Variants in EFHC2 observed in about 807,000 individuals in gnomAD.
EFHC2 encodes the protein EF-hand domain containing 2.
In EFHC2, 18 loss-of-function variants were observed where a neutral mutation model predicts 52.7. The ratio of observed to expected loss-of-function variants is 0.34; its 90% confidence interval spans 0.24 to 0.51. EFHC2 has a LOEUF of 0.51. EFHC2 is among the 20% of genes least tolerant of loss of function. The pLI is 0.97. For missense variants in EFHC2, 513 were observed against 562.5 expected, an observed-to-expected ratio of 0.91 and a Z score of 0.89; for synonymous variants, 203 against 204.1, an observed-to-expected ratio of 0.99 and a Z score of 0.04.
intron 1 of EFHC2, among the ~76,000 whole-genome samples, chrX:44,339,318 CTTTTAA>C (rs2038138816): frequency 8.9e-6 from 1 of 111,879 alleles, no homozygotes; most frequent in Admixed American, 9.5e-5. Context: ...GGAAATGTCC[CTTTTAA>C]TTTTAATATT....
intron 11 of EFHC2, among the ~76,000 whole-genome samples, chrX:44,212,148 C>T (rs1324114684): frequency 9.0e-6 from 1 of 110,515 alleles, no homozygotes; most frequent in Non-Finnish European, 1.9e-5. Context: ...ACTTGAGAGG[C>T]TGAGGTGGGA....
intron 11 of EFHC2, among the ~76,000 whole-genome samples, chrX:44,202,256 T>C (rs1249980660): frequency 9.0e-6 from 1 of 111,180 alleles, no homozygotes; most frequent in Non-Finnish European, 1.9e-5. Flanking sequence ...CTACTAAAAA[T>C]ACAAAAATCA....
chrX:44,328,364 G>A (rs1339455817), intron 1 of EFHC2, among the ~76,000 whole-genome samples: 6 of 111,663 alleles, frequency 5.4e-5, no homozygotes. Flanking sequence ...GGGATAATGG[G>A]CAAGATTGCA....
At chrX:44,206,220 T>C (rs2037047448) in intron 11 of EFHC2, among the ~76,000 whole-genome samples, 1 of 111,426 alleles carries the variant, frequency 9.0e-6, no homozygotes, top group Admixed American at 9.5e-5. Context: ...GTAAAAGCAG[T>C]GTTCAGAGGA....
chrX:44,160,474 G>GA lies in EFHC2; in HGVS notation c.2148+3447dup, dbSNP rs373359601. Among the ~76,000 whole-genome samples the GA allele has an allele frequency of 1.0e-2, 1,109 of 111,400 alleles. 13 individuals carry two copies. The highest frequency in any genetic ancestry group is 0.034 in the African/African-American group (1,049 of 30,700). On this transcript the variant is annotated intron_variant, in intron 14 of 14. Coordinates refer to ENST00000420999, the MANE Select transcript of EFHC2 (RefSeq NM_025184.4). ...ATATATCTGCATACTGTGTTGTTAT[G>GA]AAAAAAAATCTTTCTTACTGTAGGT...
At chrX:44,258,854 T>TA (rs1361486124) in intron 4 of EFHC2, among the ~76,000 whole-genome samples, 132 of 98,080 alleles carry the variant, frequency 1.3e-3, no homozygotes, top group East Asian at 4.4e-3. Flanking sequence ...AGACTCCATT[T>TA]AAAAAAAAAA....
At chrX:44,215,530 G>A (rs1320274358) in intron 11 of EFHC2, among the ~76,000 whole-genome samples, 1 of 82,987 alleles carries the variant, frequency 1.2e-5, no homozygotes, top group Non-Finnish European at 2.4e-5. Flanking sequence ...TACTTCCATT[G>A]GGGGGGGGTG....
chrX:44,184,846 T>C (rs2036862247), intron 11 of EFHC2, among the ~76,000 whole-genome samples: 1 of 111,311 alleles, frequency 9.0e-6, no homozygotes, highest in Admixed American at 9.6e-5. Context: ...AATTACTTAT[T>C]TTGAAGATAG....
rs1290713596 is a variant in EFHC2 at position 44,178,579 on chromosome X, GAA to G, written c.1752-17_1752-16del. The G allele has an allele frequency of 1.7e-5, 19 of 1,129,045 alleles. No individual in the cohort carries two copies. Among genetic ancestry groups the G allele is most frequent in the Non-Finnish European group, 2.2e-5 (19 of 844,955 alleles). 93.0% of individuals were successfully genotyped at this position (1,129,045 alleles called of 1,213,427 possible). A position where few individuals can be genotyped will look rare whatever the true frequency, so the allele number is the denominator to read the frequency against. On this transcript the variant is annotated splice_polypyrimidine_tract_variant and intron_variant, in intron 11 of 14. Transcript: ENST00000420999. ...TCAATATGTCTCTGTAATAAAAATG[GAA>G]AAACATTTATAAACTGATATCTAAG...
intron 3 of EFHC2, among the ~76,000 whole-genome samples, chrX:44,271,063 AT>A (rs1312246820): frequency 9.0e-6 from 1 of 111,572 alleles, no homozygotes; most frequent in African/African-American, 3.3e-5. Context: ...CTTTCTTCTC[AT>A]CATGTGTTTT....
intron 2 of EFHC2, chrX:44,309,273 T>C (rs2147380098): frequency 1.8e-6 from 1 of 549,698 alleles, no homozygotes; most frequent in East Asian, 3.5e-5. Context: ...TTTTATGAGA[T>C]GGAAAAAAAT....
intron 1 of EFHC2, among the ~76,000 whole-genome samples, chrX:44,328,101 C>A (rs1458120260): frequency 1.8e-5 from 2 of 111,647 alleles, no homozygotes; most frequent in Non-Finnish European, 3.8e-5. Flanking sequence ...AAGTTGAAAC[C>A]ACTGGCTCAC....
intron 2 of EFHC2, among the ~76,000 whole-genome samples, chrX:44,296,408 T>C (rs762760351): frequency 3.5e-4 from 39 of 112,120 alleles, no homozygotes; most frequent in African/African-American, 1.3e-3. Context: ...TGCTTTGAAA[T>C]TCTGAATGAA....
intron 1 of EFHC2, among the ~76,000 whole-genome samples, chrX:44,321,611 G>C (rs2038021280): frequency 9.0e-6 from 1 of 111,545 alleles, no homozygotes; most frequent in Non-Finnish European, 1.9e-5. Context: ...AGAACACCAG[G>C]AGAGTTTAGT....
chrX:44,289,677 C>CTTTTTTTTTTTTTTTTT (rs1207899077), intron 2 of EFHC2, among the ~76,000 whole-genome samples: 2 of 72,293 alleles, frequency 2.8e-5, no homozygotes, highest in Non-Finnish European at 5.0e-5. Flanking sequence ...TCTTTTCTTT[C>CTTTTTTTTTTTTTTTTT]TTTTTTTTTT....
At chrX:44,178,743 A>G (rs149470659) in intron 11 of EFHC2, among the ~76,000 whole-genome samples, 179 bp from the exon 12 acceptor site, 8 of 112,672 alleles carry the variant, frequency 7.1e-5, no homozygotes, top group African/African-American at 2.6e-4. Context: ...GAAGGCACCA[A>G]TGCCAGAATG....
chrX:44,317,993 C>A (rs1351362451), intron 1 of EFHC2, among the ~76,000 whole-genome samples: 1 of 112,331 alleles, frequency 8.9e-6, no homozygotes, highest in Non-Finnish European at 1.9e-5. Flanking sequence ...AACATAGAAT[C>A]ATCATATGAT....
At chrX:44,200,018 A>G (rs980794554) in intron 11 of EFHC2, among the ~76,000 whole-genome samples, 1 of 111,883 alleles carries the variant, frequency 8.9e-6, no homozygotes, top group Non-Finnish European at 1.9e-5. Flanking sequence ...GGACAGAAAA[A>G]TGACAGTGAA....
rs1260869341 is a variant in EFHC2, at chrX:44,242,253, G to A, written c.1148C>T (p.Pro383Leu). The stretch of plus-strand genomic sequence containing the variant: ...AAATTTCCTTTCTATTTTTGGAGGA[G>A]GAGAAGGAGGCTTGCATGAAACTGA... ...FTSVSCKPPSPPPKIERKFPP... is the reference protein window; with the variant it reads ...FTSVSCKPPSLPPKIERKFPP... The change falls in exon 8 of 15, where the codon CCT (proline) becomes CTT (leucine). Residue 383 changes from proline (P) to leucine (L), a missense_variant. Pro to Leu is a moderately conservative substitution (Grantham distance 98, BLOSUM62 -3). Transcript: ENST00000420999. The A allele has an allele frequency of 1.1e-5, 13 of 1,206,325 alleles. No homozygotes were observed. The highest frequency in any genetic ancestry group is 1.3e-5 in the Non-Finnish European group (12 of 893,778).
Sources: allele counts gnomAD v4.1 joint callset (sites outside exome capture counted in the v4.1 genomes callset), GRCh38; gene constraint gnomAD v4.1.1; transcripts MANE v1.5; gene names NCBI Gene and HGNC (gene_info 2026-07-23, HGNC 2026-07-21).